CCDC146: variants seen among roughly 807,000 people sequenced by gnomAD.
CCDC146 encodes the protein coiled-coil domain containing 146, also known as coiled-coil domain-containing protein 146.
CCDC146 carries 92 observed loss-of-function variants against 119.3 expected under a neutral mutation model. The observed-to-expected ratio is 0.77, with a 90% CI of 0.65 to 0.92. CCDC146 has a LOEUF of 0.92. Ranked by LOEUF, CCDC146 falls within the 40% of genes least tolerant of loss-of-function variation. The probability of loss-of-function intolerance (pLI) is 0.00; values close to 1 mark genes in which losing one functional copy is unlikely to be tolerated. For synonymous variants in CCDC146, 372 were observed against 371.8 expected, an observed-to-expected ratio of 1.00 and a Z score of -0.01; for missense variants, 1,000 against 1,103.0, an observed-to-expected ratio of 0.91 and a Z score of 1.32.
intron 2 of CCDC146, among the ~76,000 whole-genome samples, chr7:77,197,654 A>T (rs1446037605): frequency 6.6e-6 from 1 of 152,186 alleles, no homozygotes; most frequent in East Asian, 1.9e-4. Context: ...ATTCCAAATG[A>T]TGTGTTAAAA....
At chr7:77,212,482 G>A (rs1020472194) in intron 2 of CCDC146, among the ~76,000 whole-genome samples, 1 of 151,792 alleles carries the variant, frequency 6.6e-6, no homozygotes, top group Non-Finnish European at 1.5e-5. Flanking sequence ...ACAGCCGAGT[G>A]TGGTGGCGTG....
intron 4 of CCDC146, among the ~76,000 whole-genome samples, chr7:77,243,573 A>T (rs532378050): frequency 2.0e-5 from 3 of 152,212 alleles, no homozygotes. Context: ...GACTGTCTAT[A>T]TGGTGGTGGT....
chr7:77,240,007 G>T (rs533061520), intron 3 of CCDC146, among the ~76,000 whole-genome samples: 1 of 152,242 alleles, frequency 6.6e-6, no homozygotes, highest in African/African-American at 2.4e-5. Flanking sequence ...TCATAATTGC[G>T]TATGGGAATT....
intron 1 of CCDC146, among the ~76,000 whole-genome samples, chr7:77,130,597 CTTT>C (rs34309739): frequency 2.6e-4 from 33 of 125,716 alleles, no homozygotes; most frequent in East Asian, 1.1e-3. Flanking sequence ...TCCTTTCTTT[CTTT>C]TTTTTTTTTT....
chr7:77,262,734 C>T (rs776818089), intron 9 of CCDC146, among the ~76,000 whole-genome samples: 9 of 152,156 alleles, frequency 5.9e-5, no homozygotes, highest in Non-Finnish European at 8.8e-5. Flanking sequence ...CCTGCACTTC[C>T]GACTAGCCAA....
chr7:77,197,000 A>C lies in CCDC146; in HGVS notation c.156+29176A>C. Reference sequence around the variant, plus strand: ...TAGATGTTGAACTGAAGGGGAAATAAAAGGAAGGCATTGGATCTTGTTAAT... The same window carrying C: ...TAGATGTTGAACTGAAGGGGAAATACAAGGAAGGCATTGGATCTTGTTAAT... On this transcript the variant is annotated intron_variant, in intron 2 of 18. Transcript: ENST00000285871. This position sits in a 1 kb window ranked among gnomAD's most constrained non-coding sequence, Gnocchi z 4.2. 6.8e-7 allele frequency: 1 copy of C among 1,478,064 alleles called. No individual in the cohort carries two copies. The highest frequency in any genetic ancestry group is 9.3e-7 in the Non-Finnish European group (1 of 1,072,410). 91.6% of individuals were successfully genotyped at this position (1,478,064 alleles called of 1,614,324 possible).
At chr7:77,161,927 G>A (rs967387747) in intron 1 of CCDC146, among the ~76,000 whole-genome samples, 9 of 152,012 alleles carry the variant, frequency 5.9e-5, no homozygotes, top group African/African-American at 1.4e-4. Context: ...TTATGTACTT[G>A]TTGGCCATTT....
chr7:77,199,677 G>A (rs1399138648), intron 2 of CCDC146: 3 of 1,614,138 alleles, frequency 1.9e-6, no homozygotes, highest in Non-Finnish European at 2.5e-6. Flanking sequence ...GTCTCACTGG[G>A]CAGACATCCT....
In CCDC146 at chr7:77,274,506, A is replaced by C. The variant is rs778432485; in HGVS notation, c.1294A>C (p.Lys432Gln). ...GAAAATTATATCAGAAATGGAGTCT[A>C]AGTTAGTAGAACAACAACTTGCAGA... Reference protein sequence around the residue: ...QQKIISEMESKLVEQQLAEEN... With the variant: ...QQKIISEMESQLVEQQLAEEN... The change falls in exon 11 of 19, where the codon AAG (lysine) becomes CAG (glutamine). Residue 432 changes from lysine to glutamine, a missense_variant. Transcript: ENST00000285871. The C allele has an allele frequency of 5.5e-5, 87 of 1,593,290 alleles. 1 individual carries two copies. In the Middle Eastern group the frequency reaches 3.5e-3, roughly 64 times the overall value.
intron 1 of CCDC146, among the ~76,000 whole-genome samples, chr7:77,128,358 G>A (rs1331328150): frequency 1.3e-5 from 2 of 151,926 alleles, no homozygotes; most frequent in East Asian, 1.9e-4. Flanking sequence ...CCAGGTTTTC[G>A]ATTTTTATTT....
chr7:77,145,084 C>T (rs954368088), intron 1 of CCDC146, among the ~76,000 whole-genome samples: 11 of 151,696 alleles, frequency 7.3e-5, no homozygotes, highest in African/African-American at 2.7e-4. Context: ...TAATTATTGC[C>T]TCAATTTCAG....
At chr7:77,280,049 G>T (rs1177024035) in intron 13 of CCDC146, among the ~76,000 whole-genome samples, 4 of 152,106 alleles carry the variant, frequency 2.6e-5, no homozygotes, top group Non-Finnish European at 5.9e-5. Context: ...ATTTATTGTG[G>T]CCACAGGCTG....
intron 9 of CCDC146, among the ~76,000 whole-genome samples, chr7:77,263,028 A>C (rs1429878963): frequency 6.6e-6 from 1 of 152,242 alleles, no homozygotes; most frequent in East Asian, 1.9e-4. Context: ...CTAGGTGTAT[A>C]GAAACCTTCC....
intron 16 of CCDC146, 84 bp from the exon 17 acceptor site, chr7:77,287,356 G>A (rs1284502809): frequency 7.1e-7 from 1 of 1,411,546 alleles, no homozygotes; most frequent in East Asian, 2.3e-5. Context: ...GGGGGGTAGG[G>A]GGAGATACTG....
intron 13 of CCDC146, 131 bp from the exon 14 acceptor site, chr7:77,280,298 A>T: frequency 1.6e-6 from 1 of 642,230 alleles, no homozygotes; most frequent in Non-Finnish European, 2.7e-6. Context: ...TATCATTATT[A>T]CTAGTATCAT....
rs1246782048 is a variant in CCDC146, at chr7:77,256,449, G to A, written c.624G>A (p.Lys208=). 2 of 1,609,586 alleles carry A rather than the reference G, an allele frequency of 1.2e-6. No homozygotes were observed. The highest frequency in any genetic ancestry group is 1.7e-6 in the Non-Finnish European group (2 of 1,178,736). The change falls in exon 6 of 19, where the codon AAG becomes AAA. Residue 208 remains lysine, a synonymous_variant. Coordinates refer to ENST00000285871, the MANE Select transcript of CCDC146 (RefSeq NM_020879.3). ...NLREDLASKQ[K]QLLKEQKELE... ...GAGAAGATTTGGCATCTAAACAAAAGCAATTATTAAAAGAGCAGAAGGAAC... is the reference window on the plus strand; with the variant it reads ...GAGAAGATTTGGCATCTAAACAAAAACAATTATTAAAAGAGCAGAAGGAAC...
At chr7:77,199,561 ACCT>A in intron 2 of CCDC146, 1 of 1,613,868 alleles carries the variant, frequency 6.2e-7, no homozygotes, top group Non-Finnish European at 8.5e-7. Flanking sequence ...TTCTTTGAAC[ACCT>A]CCTCGATCCT....
At chr7:77,245,275 G>A (rs1416353578) in intron 4 of CCDC146, among the ~76,000 whole-genome samples, 2 of 152,134 alleles carry the variant, frequency 1.3e-5, no homozygotes, top group East Asian at 1.9e-4. Context: ...CCATAATAAA[G>A]TAATTAAATA....
At position 77,256,434 on chromosome 7, in the gene CCDC146, G is replaced by T. The variant is rs1793179426; in HGVS notation, c.609G>T (p.Leu203Phe). 1.2e-6 allele frequency: 2 copies of T among 1,607,480 alleles called. No homozygotes were observed. Among genetic ancestry groups the T allele is most frequent in the Admixed American group, 1.7e-5 (1 of 58,678 alleles). ...AAATTAAAAATTTACGAGAAGATTT[G>T]GCATCTAAACAAAAGCAATTATTAA... ...KLEIKNLRED[L>F]ASKQKQLLKE... Residue 203 changes from leucine (L) to phenylalanine (F), a missense_variant, in exon 6 of 19, where the codon TTG becomes TTT. Physicochemically the swap from Leu to Phe is conservative, Grantham distance 22. Transcript: ENST00000285871.
Sources: gnomAD v4.1 joint callset for allele counts (sites outside exome capture counted in the v4.1 genomes callset) on GRCh38, gnomAD v4.1.1 for gene constraint, Gnocchi (gnomAD v3.1) non-coding constraint, MANE v1.5 for transcripts, NCBI Gene and HGNC (gene_info 2026-07-23, HGNC 2026-07-21) for gene names.